SCIN: variants seen among roughly 807,000 people sequenced by gnomAD.
SCIN encodes adseverin.
Under a neutral mutation model 91.8 loss-of-function variants are expected in SCIN, and 91 were observed. The observed-to-expected ratio is 0.99, with a 90% CI of 0.84 to 1.18. The LOEUF is 1.18. Ranked by LOEUF, SCIN falls within the 50% of genes most tolerant of loss-of-function variation. SCIN has a pLI of 0.00. For missense variants in SCIN, 1,087 were observed against 863.9 expected (o/e 1.26, Z -3.24); for synonymous variants, 367 against 312.6 (o/e 1.17, Z -1.84).
At chr7:12,640,691 A>G (rs983899644) in intron 11 of SCIN, among the ~76,000 whole-genome samples, 174 bp downstream of exon 11, 2 of 152,258 alleles carry the variant, frequency 1.3e-5, no homozygotes, top group Non-Finnish European at 2.9e-5. Flanking sequence ...AGTAAAAAGT[A>G]AAACTCCAGA....
rs893145774 is a variant in SCIN at position 12,580,924 on chromosome 7, G to A, written c.355-136G>A. 6.9e-6 allele frequency: 5 copies of A among 719,574 alleles called. No homozygotes were observed. The East Asian group carries it at 1.4e-4, about 20-fold the overall frequency. The allele number at this position is 719,574 out of a possible 1,614,324, so 44.6% of individuals were successfully genotyped here. On this transcript the variant is annotated intron_variant, in intron 2 of 15. Transcript: ENST00000297029. The stretch of plus-strand genomic sequence containing the variant: ...TTCTCTCTTGTTTTATGGAATAGGT[G>A]GCTATTTTAACTTGGCCTGACAGGT...
chr7:12,619,638 C>G lies in SCIN; in HGVS notation c.667-3163C>G, dbSNP rs558230112. On this transcript the variant is annotated intron_variant, in intron 4 of 15. Coordinates refer to ENST00000297029, the MANE Select transcript of SCIN (RefSeq NM_001112706.3). ...CGATTATTAATCTCCTAGCTAGCTA[C>G]GGGGAAAGAATGGGCATGGCTTCCA... Among the ~76,000 whole-genome samples, 6 of 152,174 alleles carry G rather than the reference C, an allele frequency of 3.9e-5. 1 individual carries two copies. Among genetic ancestry groups the G allele is most frequent in the Admixed American group, 3.9e-4 (6 of 15,264 alleles).
At chr7:12,608,386 T>G (rs1032749364) in intron 4 of SCIN, among the ~76,000 whole-genome samples, 2 of 152,012 alleles carry the variant, frequency 1.3e-5, no homozygotes, top group Admixed American at 6.6e-5. Flanking sequence ...TGTCATTTCT[T>G]TTTCTGAGAC....
Position 12,625,739 on chromosome 7 carries a change from C to G in SCIN, c.893-23C>G. On this transcript the variant is annotated intron_variant, in intron 6 of 15. Transcript: ENST00000297029. ...GTCTTCCTTCTCTGAAGTTCTTTCT[C>G]TTTAATTTACCTTGTATTTTAGGTA... 2.6e-6 allele frequency: 4 copies of G among 1,512,582 alleles called. No homozygotes were observed. In the South Asian group the frequency reaches 4.6e-5, roughly 18 times the overall value. The allele number at this position is 1,512,582 out of a possible 1,614,324, so 93.7% of individuals were successfully genotyped here. A position where few individuals can be genotyped will look rare whatever the true frequency, so the allele number is the denominator to read the frequency against.
chr7:12,651,983 C>A lies in SCIN; in HGVS notation c.2020+82C>A. The A allele has an allele frequency of 1.1e-6, 1 of 881,438 alleles. No homozygotes were observed. The highest frequency in any genetic ancestry group is 1.8e-6 in the Non-Finnish European group (1 of 559,844). The allele number at this position is 881,438 out of a possible 1,614,324, so 54.6% of individuals were successfully genotyped here. On this transcript the variant is annotated intron_variant, in intron 15 of 15. Coordinates refer to ENST00000297029, the MANE Select transcript of SCIN (RefSeq NM_001112706.3). The surrounding 1 kb of genome is among the most constrained non-coding windows in gnomAD (Gnocchi z 5.9). Reference sequence around the variant, plus strand: ...TCTGGCTTGCTCTTTGCCACCATGTCTTACAAAAATACATTTCAAAATCAA... The same window carrying A: ...TCTGGCTTGCTCTTTGCCACCATGTATTACAAAAATACATTTCAAAATCAA...
chr7:12,587,018 G>C (rs1380023706), intron 3 of SCIN, among the ~76,000 whole-genome samples: 2 of 152,098 alleles, frequency 1.3e-5, no homozygotes, highest in African/African-American at 4.8e-5. Context: ...CTGTTGTATA[G>C]TGCTATGTGG....
In SCIN at chr7:12,573,808, T is replaced by A. The variant is rs571687651; in HGVS notation, c.199+2823T>A. On this transcript the variant is annotated intron_variant, in intron 1 of 15. Transcript: ENST00000297029. ...AAATATATTTTAAAGCAGTATACAT[T>A]TATGTTATAAGTGGGCTATACCAGG... Among the ~76,000 whole-genome samples the A allele has an allele frequency of 2.7e-4, 41 of 152,270 alleles. 1 individual carries two copies. The South Asian group carries it at 8.1e-3, about 30-fold the overall frequency.
intron 13 of SCIN, among the ~76,000 whole-genome samples, chr7:12,645,209 C>G (rs952644202): frequency 6.7e-6 from 1 of 150,086 alleles, no homozygotes; most frequent in Non-Finnish European, 1.5e-5. Context: ...GTCCCAGCTA[C>G]TTGGGAGGCT....
At chr7:12,586,781 G>A (rs894346749) in intron 3 of SCIN, among the ~76,000 whole-genome samples, 36 of 152,148 alleles carry the variant, frequency 2.4e-4, no homozygotes, top group Admixed American at 1.1e-3. Context: ...TTGCACCAAC[G>A]TGGATGAATC....
chr7:12,609,813 A>G (rs996737051), intron 4 of SCIN, among the ~76,000 whole-genome samples: 2 of 152,190 alleles, frequency 1.3e-5, no homozygotes, highest in African/African-American at 4.8e-5. Flanking sequence ...TTGCTTTTAT[A>G]AAAATGACTG....
intron 7 of SCIN, 172 bp from the exon 8 acceptor site, chr7:12,626,412 A>C (rs1783522641): frequency 1.7e-6 from 1 of 578,140 alleles, no homozygotes. Flanking sequence ...CAAATATTCA[A>C]ATTCAGCGGC....
Position 12,651,082 on chromosome 7 carries a change from C to T in SCIN, c.1960-759C>T, listed in dbSNP as rs1195781626. The stretch of plus-strand genomic sequence containing the variant: ...TATATTAATGTTCACAGGAGTCATA[C>T]AGAATGCAAGAACTAAATAAATGGC... On this transcript the variant is annotated intron_variant, in intron 14 of 15. Coordinates refer to ENST00000297029, the MANE Select transcript of SCIN (RefSeq NM_001112706.3). The surrounding 1 kb of genome is among the most constrained non-coding windows in gnomAD (Gnocchi z 5.9). Among the ~76,000 whole-genome samples, 1 of 152,118 alleles carries T rather than the reference C, an allele frequency of 6.6e-6. No individual in the cohort carries two copies. Among genetic ancestry groups the T allele is most frequent in the Non-Finnish European group, 1.5e-5 (1 of 68,016 alleles).
Position 12,651,775 on chromosome 7 carries a change from A to T in SCIN, c.1960-66A>T. 1 of 1,021,644 alleles carries T rather than the reference A, an allele frequency of 9.8e-7. No homozygotes were observed. The highest frequency in any genetic ancestry group is 1.5e-6 in the Non-Finnish European group (1 of 671,940). The allele number at this position is 1,021,644 out of a possible 1,614,324, so 63.3% of individuals were successfully genotyped here. On this transcript the variant is annotated intron_variant, in intron 14 of 15. Coordinates refer to ENST00000297029, the MANE Select transcript of SCIN (RefSeq NM_001112706.3). This position sits in a 1 kb window ranked among gnomAD's most constrained non-coding sequence, Gnocchi z 5.9. ...GAGCAATGTGTGTGTGAAGCACTTTACATAGGGCCTAGCACTGAGTCAACA... is the reference window on the plus strand; with the variant it reads ...GAGCAATGTGTGTGTGAAGCACTTTTCATAGGGCCTAGCACTGAGTCAACA...
chr7:12,633,965 GT>G (rs10707073), intron 9 of SCIN, among the ~76,000 whole-genome samples: 30,565 of 143,078 alleles, frequency 0.21, 3,577 homozygotes, highest in Admixed American at 0.37. Flanking sequence ...TTGTGTGCAT[GT>G]TTTTTTTTTT....
At chr7:12,633,549 G>T (rs186699129) in intron 9 of SCIN, among the ~76,000 whole-genome samples, 1 of 152,284 alleles carries the variant, frequency 6.6e-6, no homozygotes, top group East Asian at 1.9e-4. Context: ...TTTGTTCAGG[G>T]TGTCATGAGG....
intron 3 of SCIN, among the ~76,000 whole-genome samples, chr7:12,595,307 A>G (rs1407451948): frequency 2.6e-5 from 4 of 152,120 alleles, no homozygotes; most frequent in African/African-American, 4.8e-5. Context: ...AGGTTTCAAT[A>G]TAGGAATTTA....
intron 3 of SCIN, among the ~76,000 whole-genome samples, chr7:12,586,077 A>ACTTTACTTTTTATATTGCTTG (rs1782580850): frequency 1.3e-5 from 2 of 152,168 alleles, no homozygotes; most frequent in Admixed American, 6.6e-5. Context: ...CCATTTACTT[A>ACTTTACTTTTTATATTGCTTG]TCAGCCTTCC....
At chr7:12,613,711 C>G (rs891368465) in intron 4 of SCIN, among the ~76,000 whole-genome samples, 1 of 151,896 alleles carries the variant, frequency 6.6e-6, no homozygotes, top group Admixed American at 6.6e-5. Context: ...TAGTGCATCA[C>G]AATTTTTAGA....
At chr7:12,571,127 G>C in intron 1 of SCIN, 142 bp downstream of exon 1, 1 of 935,132 alleles carries the variant, frequency 1.1e-6, no homozygotes, top group Non-Finnish European at 1.5e-6. Context: ...TGCCCTTTGG[G>C]GCCGGCCACT....
Sources: gnomAD v4.1 joint callset for allele counts (sites outside exome capture counted in the v4.1 genomes callset) on GRCh38, gnomAD v4.1.1 for gene constraint, Gnocchi (gnomAD v3.1) non-coding constraint, MANE v1.5 for transcripts, NCBI Gene and HGNC (gene_info 2026-07-23, HGNC 2026-07-21) for gene names.